The following SMAP1 variants were observed in gnomAD, a reference collection of about 807,000 sequenced individuals.
The protein encoded by SMAP1 is small ArfGAP 1.
Under a neutral mutation model 58.5 loss-of-function variants are expected in SMAP1, and 24 were observed. The observed-to-expected ratio is 0.41, with a 90% CI of 0.30 to 0.58. The LOEUF is 0.58. Ranked by LOEUF, SMAP1 falls within the 20% of genes least tolerant of loss-of-function variation. The probability of loss-of-function intolerance (pLI) is 0.29; values close to 1 mark genes in which losing one functional copy is unlikely to be tolerated. For missense variants in SMAP1, 563 were observed against 566.3 expected (o/e 0.99, Z 0.06); for synonymous variants, 216 against 196.6 (o/e 1.10, Z -0.82).
intron 4 of SMAP1, among the ~76,000 whole-genome samples, chr6:70,777,188 G>A (rs975107031): frequency 5.9e-5 from 9 of 152,106 alleles, no homozygotes; most frequent in Non-Finnish European, 4.4e-5. Context: ...ACTGTGGTAA[G>A]ATATCTTATT....
chr6:70,807,586 G>A (rs1582229696), intron 6 of SMAP1, among the ~76,000 whole-genome samples: 1 of 152,198 alleles, frequency 6.6e-6, no homozygotes, highest in Non-Finnish European at 1.5e-5. Flanking sequence ...AATGTTATAT[G>A]AGTTATCTTT....
chr6:70,793,195 C>T (rs1768444547), intron 5 of SMAP1, among the ~76,000 whole-genome samples: 1 of 151,966 alleles, frequency 6.6e-6, no homozygotes, highest in Non-Finnish European at 1.5e-5. Context: ...CCACCATGCC[C>T]AGCTAATTTT....
chr6:70,853,026 CT>C (rs1771247393), intron 8 of SMAP1, among the ~76,000 whole-genome samples: 1 of 152,162 alleles, frequency 6.6e-6, no homozygotes, highest in Admixed American at 6.5e-5. Flanking sequence ...TGGAAAAACC[CT>C]GACTACCTCA....
intron 6 of SMAP1, among the ~76,000 whole-genome samples, chr6:70,809,191 A>G (rs1769281131): frequency 6.6e-6 from 1 of 152,152 alleles, no homozygotes; most frequent in African/African-American, 2.4e-5. Context: ...ATAAGAGAAG[A>G]CCACTGCTTT....
At chr6:70,837,781 T>C (rs1202792373) in intron 7 of SMAP1, 7 of 1,223,268 alleles carry the variant, frequency 5.7e-6, no homozygotes, top group Non-Finnish European at 7.4e-6. Flanking sequence ...TTTTTTTTAG[T>C]TTGGAGAAAG....
At chr6:70,735,144 C>T (rs1367684423) in intron 2 of SMAP1, among the ~76,000 whole-genome samples, 1 of 152,138 alleles carries the variant, frequency 6.6e-6, no homozygotes, top group Non-Finnish European at 1.5e-5. Context: ...AAAGAAAAAA[C>T]TTGACTTATA....
intron 6 of SMAP1, among the ~76,000 whole-genome samples, chr6:70,835,321 A>C (rs1485027375): frequency 6.6e-6 from 1 of 151,888 alleles, no homozygotes; most frequent in Non-Finnish European, 1.5e-5. Context: ...CAATAATTCT[A>C]AGGGAGAGTG....
intron 6 of SMAP1, among the ~76,000 whole-genome samples, chr6:70,835,787 G>A (rs777336256): frequency 6.6e-6 from 1 of 152,180 alleles, no homozygotes; most frequent in East Asian, 1.9e-4. Flanking sequence ...TATTACAGGT[G>A]TGAGTCACTG....
At chr6:70,808,735 A>G (rs35699943) in intron 6 of SMAP1, among the ~76,000 whole-genome samples, 77 of 152,310 alleles carry the variant, frequency 5.1e-4, no homozygotes, top group Non-Finnish European at 9.7e-4. Context: ...TCAGATAGCT[A>G]CATAATTAGT....
At chr6:70,692,567 TTAATC>T (rs1178997245) in intron 1 of SMAP1, among the ~76,000 whole-genome samples, 1 of 152,232 alleles carries the variant, frequency 6.6e-6, no homozygotes, top group Non-Finnish European at 1.5e-5. Flanking sequence ...ATTTAAGCCT[TTAATC>T]TATTTTGACT....
intron 1 of SMAP1, among the ~76,000 whole-genome samples, chr6:70,725,074 A>G (rs2149852041): frequency 7.7e-6 from 1 of 130,508 alleles, no homozygotes; most frequent in South Asian, 2.5e-4. Context: ...CTCAGACTCC[A>G]TATCCTAAAT....
At chr6:70,771,043 A>C (rs1310405566) in intron 3 of SMAP1, among the ~76,000 whole-genome samples, 2 of 152,196 alleles carry the variant, frequency 1.3e-5, no homozygotes, top group Non-Finnish European at 2.9e-5. Context: ...GGGTACCAGC[A>C]GTGGTGGCTA....
intron 6 of SMAP1, among the ~76,000 whole-genome samples, chr6:70,800,794 G>T (rs1174947072): frequency 6.6e-6 from 1 of 151,336 alleles, no homozygotes; most frequent in African/African-American, 2.4e-5. Context: ...GTGATAGTTT[G>T]CTGAGAATGA....
At chr6:70,770,358 C>G (rs1204723788) in intron 3 of SMAP1, among the ~76,000 whole-genome samples, 3 of 152,192 alleles carry the variant, frequency 2.0e-5, no homozygotes, top group Non-Finnish European at 2.9e-5. Context: ...GACCTTGGTT[C>G]CATTCTCCCC....
rs962226449 is a variant in SMAP1, at chr6:70,694,735, C to A, written c.118+26594C>A. ...AGCATTTTATAATTTTTGTTGGAAA[C>A]CTGAATTTGGTTCTCACCTGTGTGG... On this transcript the variant is annotated intron_variant, in intron 1 of 10. Transcript: ENST00000370455. 3.9e-5 allele frequency: 6 copies of A among 152,146 alleles called. No homozygotes were observed. In the East Asian group the frequency reaches 1.2e-3, roughly 29 times the overall value. 9.4% of individuals were successfully genotyped at this position (152,146 alleles called of 1,614,324 possible).
In SMAP1 at chr6:70,857,949, C is replaced by T; in HGVS notation, c.989C>T (p.Pro330Leu). 1 of 1,614,054 alleles carries T rather than the reference C, an allele frequency of 6.2e-7. No homozygotes were observed. ...PGVFMGPTNI[P>L]FTSQAPAAFQ... Reference sequence around the variant, plus strand: ...GTATTTATGGGACCCACAAATATACCATTTACCTCACAAGCACCAGCTGCA... The same window carrying T: ...GTATTTATGGGACCCACAAATATACTATTTACCTCACAAGCACCAGCTGCA... Residue 330 changes from proline (P) to leucine (L), a missense_variant, in exon 10 of 11, where the codon CCA becomes CTA. Transcript: ENST00000370455.
chr6:70,682,160 C>A, intron 1 of SMAP1, among the ~76,000 whole-genome samples: 1 of 129,114 alleles, frequency 7.7e-6, no homozygotes. Flanking sequence ...TAAGGTTATT[C>A]TCTGCACAGA....
intron 3 of SMAP1, among the ~76,000 whole-genome samples, chr6:70,756,830 C>T (rs1005248403): frequency 3.9e-5 from 6 of 152,070 alleles, no homozygotes; most frequent in Non-Finnish European, 8.8e-5. Flanking sequence ...AGGAACTCTT[C>T]AAGGAGAACT....
chr6:70,768,774 A>G (rs992806690), intron 3 of SMAP1, among the ~76,000 whole-genome samples: 2 of 151,680 alleles, frequency 1.3e-5, no homozygotes, highest in African/African-American at 4.8e-5. Flanking sequence ...GATTTTAGTT[A>G]TTTCTTGCCC....
Sources: allele counts gnomAD v4.1 joint callset (sites outside exome capture counted in the v4.1 genomes callset), GRCh38; gene constraint gnomAD v4.1.1; transcripts MANE v1.5; gene names NCBI Gene and HGNC (gene_info 2026-07-23, HGNC 2026-07-21).